The following PDXDC1 variants were observed in gnomAD, a reference collection of about 807,000 sequenced individuals.
The protein encoded by PDXDC1 is pyridoxal dependent decarboxylase domain containing 1.
PDXDC1 carries 42 observed loss-of-function variants against 100.1 expected under a neutral mutation model. The observed-to-expected ratio is 0.42, with a 90% confidence interval of 0.33 to 0.54. The LOEUF (loss-of-function observed/expected upper bound fraction) is 0.54. Among genes scored for constraint, PDXDC1 ranks in the 20% least tolerant of loss-of-function variants. The probability of loss-of-function intolerance (pLI) is 0.10; values close to 1 mark genes in which losing one functional copy is unlikely to be tolerated. For missense variants in PDXDC1, 636 were observed against 979.2 expected, an observed-to-expected ratio of 0.65 and a Z score of 4.68; for synonymous variants, 260 against 371.7, an observed-to-expected ratio of 0.70 and a Z score of 3.46.
intron 16 of PDXDC1, chr16:15,045,123 C>CA (rs71150202): frequency 0.34 from 33,356 of 98,346 alleles, 5,424 homozygotes; most frequent in Admixed American, 0.47. Flanking sequence ...GACTCTATCT[C>CA]AAAAAAAAAA....
chr16:15,014,107 C>CTCCTACT (rs1567673997), intron 8 of PDXDC1, among the ~76,000 whole-genome samples: 14 of 151,572 alleles, frequency 9.2e-5, no homozygotes, highest in Admixed American at 9.2e-4. Context: ...CTTAGGAGGC[C>CTCCTACT]GAGGCAGGAG....
chr16:15,151,948 A>C, the PDXDC1 span, among the ~76,000 whole-genome samples: 5 of 142,280 alleles, frequency 3.5e-5, no homozygotes, highest in East Asian at 2.0e-4. Context: ...AAAAAAAAAA[A>C]AAAAACACAT....
intron 13 of PDXDC1, among the ~76,000 whole-genome samples, chr16:15,024,378 C>T (rs1303471892): frequency 1.3e-5 from 2 of 151,402 alleles, no homozygotes; most frequent in Non-Finnish European, 2.9e-5. Flanking sequence ...TGCCTGGAAA[C>T]ACTGTTTCCC....
At chr16:15,074,998 C>A in intron 16 of PDXDC1, 1 of 870,074 alleles carries the variant, frequency 1.1e-6, no homozygotes, top group Non-Finnish European at 1.7e-6. Flanking sequence ...ATCTATAAGC[C>A]CAGCACTTTG....
intron 16 of PDXDC1, chr16:15,127,429 G>T: frequency 1.3e-6 from 2 of 1,497,384 alleles, no homozygotes; most frequent in Non-Finnish European, 1.8e-6. Context: ...CGAGGCCCAG[G>T]CTCCATTCCC....
At chr16:15,048,228 CAGAG>C in intron 16 of PDXDC1, 1 of 632,294 alleles carries the variant, frequency 1.6e-6, no homozygotes, top group Non-Finnish European at 2.8e-6. Flanking sequence ...TGTTAGTGGA[CAGAG>C]AGGCTCAAAG....
At chr16:15,135,320 A>C in intron 16 of PDXDC1, 3 of 1,533,732 alleles carry the variant, frequency 2.0e-6, no homozygotes, top group Non-Finnish European at 2.6e-6. Flanking sequence ...GGCCTTCCAC[A>C]CGGTGAGGCT....
chr16:15,145,308 C>T, the PDXDC1 span, among the ~76,000 whole-genome samples: 5 of 152,250 alleles, frequency 3.3e-5, no homozygotes, highest in Non-Finnish European at 1.5e-5. Flanking sequence ...TGGGCACAGC[C>T]AATGATGGCA....
intron 16 of PDXDC1, among the ~76,000 whole-genome samples, chr16:15,030,432 G>C (rs987362278): frequency 1.2e-5 from 1 of 83,172 alleles, no homozygotes; most frequent in African/African-American, 4.1e-5. Context: ...TGCAGTCCCA[G>C]CTACTTGGGA....
At chr16:15,128,409 G>A (rs1214905398) in intron 16 of PDXDC1, 9 of 1,449,402 alleles carry the variant, frequency 6.2e-6, no homozygotes, top group Admixed American at 3.4e-5. Flanking sequence ...AAGAGGGAGG[G>A]GTGGGAGGCT....
intron 16 of PDXDC1, among the ~76,000 whole-genome samples, chr16:15,106,579 C>G (rs896880453): frequency 2.0e-4 from 30 of 150,112 alleles, no homozygotes; most frequent in African/African-American, 7.2e-4. Flanking sequence ...TACAGTGAAA[C>G]CCTGTCTCTA....
At chr16:15,027,377 G>C in intron 14 of PDXDC1, among the ~76,000 whole-genome samples, 1 of 152,376 alleles carries the variant, frequency 6.6e-6, no homozygotes, top group Middle Eastern at 3.4e-3. Flanking sequence ...AGCTCCTAAG[G>C]CTCCAGCGGG....
chr16:15,069,536 T>C (rs2045132768), intron 16 of PDXDC1, among the ~76,000 whole-genome samples: 2 of 152,276 alleles, frequency 1.3e-5, no homozygotes, highest in Non-Finnish European at 1.5e-5. Context: ...ACAATACTGG[T>C]CAATTAAGTC....
At chr16:15,091,841 G>A (rs1383599149) in intron 16 of PDXDC1, among the ~76,000 whole-genome samples, 1 of 152,110 alleles carries the variant, frequency 6.6e-6, no homozygotes, top group Non-Finnish European at 1.5e-5. Context: ...TCAGAGAACT[G>A]GTTTACTGTC....
chr16:15,088,730 G>GA (rs2046003624), intron 16 of PDXDC1, among the ~76,000 whole-genome samples: 1 of 152,122 alleles, frequency 6.6e-6, no homozygotes, highest in African/African-American at 2.4e-5. Flanking sequence ...TCAGAAAACT[G>GA]AAAAACGTTC....
At chr16:15,073,472 GAC>G (rs2045325629) in intron 16 of PDXDC1, among the ~76,000 whole-genome samples, 1 of 151,920 alleles carries the variant, frequency 6.6e-6, no homozygotes, top group Non-Finnish European at 1.5e-5. Flanking sequence ...AAAAAAGAAA[GAC>G]AGACATTATC....
chr16:15,088,969 C>T (rs1412518715), intron 16 of PDXDC1, among the ~76,000 whole-genome samples: 2 of 151,944 alleles, frequency 1.3e-5, no homozygotes, highest in African/African-American at 2.4e-5. Flanking sequence ...TTTGGAGCAT[C>T]TATGATGATT....
intron 6 of PDXDC1, among the ~76,000 whole-genome samples, chr16:15,008,183 TACAGA>T (rs1372588713): frequency 6.6e-6 from 1 of 152,302 alleles, no homozygotes; most frequent in Non-Finnish European, 1.5e-5. Context: ...GTCTTAGTCA[TACAGA>T]ACAATATGCT....
intron 16 of PDXDC1, among the ~76,000 whole-genome samples, chr16:15,095,599 C>T (rs1470016968): frequency 6.6e-6 from 1 of 152,110 alleles, no homozygotes; most frequent in Non-Finnish European, 1.5e-5. Flanking sequence ...CGCCTGTTAT[C>T]CCAACACTTT....
Sources: gnomAD v4.1 joint callset for allele counts (sites outside exome capture counted in the v4.1 genomes callset) on GRCh38, gnomAD v4.1.1 for gene constraint, MANE v1.5 for transcripts, NCBI Gene and HGNC (gene_info 2026-07-23, HGNC 2026-07-21) for gene names.